KL: variants seen among roughly 807,000 people sequenced by gnomAD.
KL encodes klotho, also known as alpha-klotho.
Under a neutral mutation model 84.2 loss-of-function variants are expected in KL, and 62 were observed. The ratio of observed to expected loss-of-function variants is 0.74; its 90% CI spans 0.60 to 0.91. The LOEUF is 0.91. Among genes scored for constraint, KL ranks in the 40% least tolerant of loss-of-function variants. KL has a pLI of 0.00. For synonymous variants in KL, 528 were observed against 528.0 expected (o/e 1.00, Z 0.00); for missense variants, 1,261 against 1,305.7 (o/e 0.97, Z 0.53).
rs1316380160 is a variant in KL, at chr13:33,064,654, T to C, written c.*468T>C. 3 of 237,146 alleles carry C rather than the reference T, an allele frequency of 1.3e-5. No homozygotes were observed. Among genetic ancestry groups the C allele is most frequent in the South Asian group, 1.5e-4 (1 of 6,466 alleles). The allele number at this position is 237,146 out of a possible 1,614,324, so 14.7% of individuals were successfully genotyped here. On this transcript the variant is annotated 3_prime_UTR_variant, in exon 5 of 5. Transcript: ENST00000380099. ...GCCTAGTGGCTTCCCCTCTGTCAAA[T>C]CTAGTTTCCTATGGAAAAGAAGATG... is the stretch of plus-strand genomic sequence containing the variant.
intron 1 of KL, among the ~76,000 whole-genome samples, chr13:33,034,172 G>A (rs1871078264): frequency 6.6e-6 from 1 of 152,140 alleles, no homozygotes; most frequent in African/African-American, 2.4e-5. Context: ...ATAATCTTTG[G>A]AGATTATTTA....
At chr13:33,047,671 T>G (rs1012520543) in intron 1 of KL, among the ~76,000 whole-genome samples, 3 of 152,232 alleles carry the variant, frequency 2.0e-5, no homozygotes, top group African/African-American at 7.2e-5. Context: ...CTTGGAACAT[T>G]TAGTCCATGT....
At chr13:33,056,749 T>C (rs1216060508) in intron 3 of KL, among the ~76,000 whole-genome samples, 1 of 151,722 alleles carries the variant, frequency 6.6e-6, no homozygotes. Context: ...GAGCTTGCAG[T>C]GAGCCGAGAT....
chr13:33,063,057 C>G (rs150719144), intron 4 of KL, among the ~76,000 whole-genome samples: 2 of 152,094 alleles, frequency 1.3e-5, no homozygotes, highest in Non-Finnish European at 2.9e-5. Flanking sequence ...AAGACCACCT[C>G]TCAGGCACTT....
rs752742169 is a variant in KL, at chr13:33,061,212, G to T, written c.2133G>T (p.Trp711Cys). 35 of 1,614,136 alleles carry T rather than the reference G, an allele frequency of 2.2e-5. No individual in the cohort carries two copies. The African/African-American group carries it at 3.9e-4, about 18-fold the overall frequency. Residue 711 changes from tryptophan (W) to cysteine (C), a missense_variant, in exon 4 of 5, where the codon TGG (tryptophan) becomes TGT (cysteine). Transcript: ENST00000380099. ...TTCTGAAGGCCCATGCCCTGGCTTGGCATGTGTACAATGAAAAGTTTAGGC... is the reference window on the plus strand; with the variant it reads ...TTCTGAAGGCCCATGCCCTGGCTTGTCATGTGTACAATGAAAAGTTTAGGC... ...HNLLKAHALA[W>C]HVYNEKFRHA...
Position 33,064,083 on chromosome 13 carries a change from G to A in KL, c.2936G>A (p.Arg979Gln), listed in dbSNP as rs767297271. ...VCTECSFFHT[R>Q]KSLLAFIAFL... ...ACTGAGTGCAGTTTTTTTCACACCC[G>A]AAAGTCTTTACTGGCTTTCATAGCT... Residue 979 changes from arginine to glutamine, a missense_variant, in exon 5 of 5, where the codon CGA becomes CAA. Physicochemically the swap from Arg to Gln is conservative, Grantham distance 43 (BLOSUM62 1). Coordinates refer to ENST00000380099, the MANE Select transcript of KL (RefSeq NM_004795.4). The A allele has an allele frequency of 2.9e-5, 47 of 1,613,882 alleles. No homozygotes were observed. Among genetic ancestry groups the A allele is most frequent in the Non-Finnish European group, 3.9e-5 (46 of 1,179,934 alleles).
chr13:33,055,769 C>G (rs927777265), intron 3 of KL, among the ~76,000 whole-genome samples: 1 of 152,156 alleles, frequency 6.6e-6, no homozygotes, highest in African/African-American at 2.4e-5. Context: ...CAGAAATACC[C>G]TAAGAAAGTA....
At chr13:33,054,908 A>G in intron 2 of KL, 139 bp from the exon 3 acceptor site, 2 of 1,116,054 alleles carry the variant, frequency 1.8e-6, no homozygotes, top group South Asian at 1.3e-5. Flanking sequence ...TCTTTCGTCA[A>G]GAAGAAAAAT....
chr13:33,040,425 A>G (rs2138213187), intron 1 of KL, among the ~76,000 whole-genome samples: 1 of 152,306 alleles, frequency 6.6e-6, no homozygotes, highest in South Asian at 2.1e-4. Flanking sequence ...GTGCCTTCTA[A>G]AATTTTTTCA....
chr13:33,023,236 C>T (rs1192499908), intron 1 of KL, among the ~76,000 whole-genome samples: 1 of 152,172 alleles, frequency 6.6e-6, no homozygotes, highest in Non-Finnish European at 1.5e-5. Flanking sequence ...TTTAGGATAA[C>T]CAGCAGGCTC....
chr13:33,036,605 G>A (rs1871154346), intron 1 of KL, among the ~76,000 whole-genome samples: 2 of 152,018 alleles, frequency 1.3e-5, no homozygotes, highest in Non-Finnish European at 2.9e-5. Flanking sequence ...GGCCTGGCTT[G>A]GGTCATTCAA....
At chr13:33,023,015 A>C (rs1870631614) in intron 1 of KL, among the ~76,000 whole-genome samples, 1 of 152,202 alleles carries the variant, frequency 6.6e-6, no homozygotes. Context: ...TCCAGAGCAC[A>C]TAATATCCCA....
intron 1 of KL, among the ~76,000 whole-genome samples, chr13:33,035,794 A>AT (rs943352903): frequency 2.6e-5 from 4 of 152,168 alleles, no homozygotes; most frequent in African/African-American, 7.2e-5. Flanking sequence ...ACTTGGAATG[A>AT]TTTTCACCGC....
At chr13:33,054,345 A>G (rs991674457) in intron 2 of KL, 68 bp downstream of exon 2, 3 of 1,445,290 alleles carry the variant, frequency 2.1e-6, no homozygotes, top group African/African-American at 2.8e-5. Context: ...AAGATTATCT[A>G]ACATAAATGA....
At position 33,054,849 on chromosome 13, in the gene KL, G is replaced by A. The variant is rs188195525; in HGVS notation, c.1331-198G>A. ...GAAATCCAAAAAACATATTAGATAG[G>A]CCAATTTTGAGGGCATTTATTTGTA... is the stretch of plus-strand genomic sequence containing the variant. On this transcript the variant is annotated intron_variant, in intron 2 of 4. Coordinates refer to ENST00000380099, the MANE Select transcript of KL (RefSeq NM_004795.4). Among the ~76,000 whole-genome samples, 757 of 152,220 alleles carry A rather than the reference G, an allele frequency of 5.0e-3. 6 individuals are homozygous for A. The highest frequency in any genetic ancestry group is 0.014 in the Middle Eastern group (4 of 292).
chr13:33,052,165 C>G (rs1465241194), intron 1 of KL, among the ~76,000 whole-genome samples: 1 of 152,148 alleles, frequency 6.6e-6, no homozygotes, highest in African/African-American at 2.4e-5. Context: ...ACTCTTTGCG[C>G]AGGCTAGTTG....
chr13:33,045,149 C>G (rs1420251476), intron 1 of KL, among the ~76,000 whole-genome samples: 1 of 152,110 alleles, frequency 6.6e-6, no homozygotes, highest in African/African-American at 2.4e-5. Flanking sequence ...TCTTTTTGGA[C>G]TGTTCATTGC....
At chr13:33,026,513 A>C (rs1159437636) in intron 1 of KL, among the ~76,000 whole-genome samples, 3 of 152,180 alleles carry the variant, frequency 2.0e-5, no homozygotes, top group Non-Finnish European at 2.9e-5. Flanking sequence ...CTCTTCAGTC[A>C]GTGAATTATA....
rs183769848 is a variant in KL at position 33,050,175 on chromosome 13, A to G, written c.820-3592A>G. On this transcript the variant is annotated intron_variant, in intron 1 of 4. Transcript: ENST00000380099. ...TCAATGTTTGGCTATTAAAAATAGTATTTAGATGAATGTTCTTGGCCATAC... is the reference window on the plus strand; with the variant it reads ...TCAATGTTTGGCTATTAAAAATAGTGTTTAGATGAATGTTCTTGGCCATAC... Among the ~76,000 whole-genome samples the G allele has an allele frequency of 3.3e-5, 5 of 152,354 alleles. No homozygotes were observed. In the East Asian group the frequency reaches 9.6e-4, roughly 29 times the overall value.
Sources: gnomAD v4.1 joint callset for allele counts (sites outside exome capture counted in the v4.1 genomes callset) on GRCh38, gnomAD v4.1.1 for gene constraint, MANE v1.5 for transcripts, NCBI Gene and HGNC (gene_info 2026-07-23, HGNC 2026-07-21) for gene names.